TSPAN15: variants seen among roughly 807,000 people sequenced by gnomAD.
The protein encoded by TSPAN15 is tetraspanin-15.
TSPAN15 carries 20 observed loss-of-function variants against 34.5 expected under a neutral mutation model. The ratio of observed to expected loss-of-function variants is 0.58; its 90% CI spans 0.41 to 0.84. The LOEUF (loss-of-function observed/expected upper bound fraction) is 0.84, where lower values mean the gene tolerates loss of function less well. TSPAN15 is among the 40% of genes least tolerant of loss of function. TSPAN15 has a pLI of 0.00. For missense variants in TSPAN15, 313 were observed against 386.1 expected (o/e 0.81, Z 1.59); for synonymous variants, 155 against 153.9 (o/e 1.01, Z -0.05).
rs1010307260 is a variant in TSPAN15 at position 69,494,945 on chromosome 10, G to C, written c.358-649G>C. 4 of 867,282 alleles carry C rather than the reference G, an allele frequency of 4.6e-6. No homozygotes were observed. In the South Asian group the frequency reaches 2.1e-4, roughly 46 times the overall value. 53.7% of individuals were successfully genotyped at this position (867,282 alleles called of 1,614,324 possible). On this transcript the variant is annotated intron_variant, in intron 3 of 7. Coordinates refer to ENST00000373290, the MANE Select transcript of TSPAN15 (RefSeq NM_012339.5). Reference sequence around the variant, plus strand: ...AAGCGCAGCGTGACTGGGAGAGGGCGGCCTGCCATGTTCCTCCCGGCAGGG... The same window carrying C: ...AAGCGCAGCGTGACTGGGAGAGGGCCGCCTGCCATGTTCCTCCCGGCAGGG...
intron 3 of TSPAN15, among the ~76,000 whole-genome samples, chr10:69,486,854 G>A (rs1841865004): frequency 6.6e-6 from 1 of 152,216 alleles, no homozygotes; most frequent in Admixed American, 6.5e-5. Context: ...CCCCAGGAAA[G>A]GGGCTTTATT....
the TSPAN15 span, among the ~76,000 whole-genome samples, chr10:69,525,619 G>A: frequency 2.7e-5 from 4 of 147,016 alleles, no homozygotes; most frequent in African/African-American, 9.9e-5. Flanking sequence ...TCAGGAGTTC[G>A]AGACCAGCCT....
At chr10:69,549,497 C>A in the TSPAN15 span, among the ~76,000 whole-genome samples, 3 of 152,200 alleles carry the variant, frequency 2.0e-5, no homozygotes, top group African/African-American at 7.2e-5. Flanking sequence ...TTAAATTTTT[C>A]TTTCTGATAA....
chr10:69,487,893 G>A (rs1841888021), intron 3 of TSPAN15, among the ~76,000 whole-genome samples: 1 of 152,208 alleles, frequency 6.6e-6, no homozygotes, highest in Non-Finnish European at 1.5e-5. Context: ...TTCCCCTTGG[G>A]TGGTGTCCCC....
At chr10:69,528,962 C>T in the TSPAN15 span, among the ~76,000 whole-genome samples, 1 of 148,122 alleles carries the variant, frequency 6.8e-6, no homozygotes, top group African/African-American at 2.5e-5. Flanking sequence ...ACCGGCAACC[C>T]AGCCCCCAGC....
downstream of TSPAN15, among the ~76,000 whole-genome samples, chr10:69,511,497 A>C (rs1842414484): frequency 6.6e-6 from 1 of 151,808 alleles, no homozygotes; most frequent in Non-Finnish European, 1.5e-5. Context: ...CTAGCGGTCT[A>C]TTTTGTTAAT....
At position 69,457,020 on chromosome 10, in the gene TSPAN15, C is replaced by T. The variant is rs1227206274; in HGVS notation, c.96+5330C>T. Among the ~76,000 whole-genome samples the T allele has an allele frequency of 5.3e-5, 8 of 152,308 alleles. No individual in the cohort carries two copies. The East Asian group carries it at 5.8e-4, about 11-fold the overall frequency. On this transcript the variant is annotated intron_variant, in intron 1 of 7. Transcript: ENST00000373290. Reference sequence around the variant, plus strand: ...GATGTCTGCGGGAGAAATGAGCTCACGCTGAGGCACTTAGAGCCTCCTTTT... The same window carrying T: ...GATGTCTGCGGGAGAAATGAGCTCATGCTGAGGCACTTAGAGCCTCCTTTT...
At chr10:69,504,622 A>C (rs1203746486) in intron 6 of TSPAN15, 137 bp downstream of exon 6, 6 of 901,286 alleles carry the variant, frequency 6.7e-6, no homozygotes, top group Non-Finnish European at 1.1e-5. Flanking sequence ...CAGAGCCAGG[A>C]CTGCTGTGGT....
the TSPAN15 span, among the ~76,000 whole-genome samples, chr10:69,543,564 T>A: frequency 6.6e-5 from 10 of 151,876 alleles, no homozygotes; most frequent in Non-Finnish European, 8.8e-5. Context: ...CTGGGCACAC[T>A]TGTAGGTGGG....
intron 1 of TSPAN15, among the ~76,000 whole-genome samples, chr10:69,468,415 C>T (rs10998806): frequency 0.4 from 60,449 of 151,618 alleles, 12,518 homozygotes; most frequent in Non-Finnish European, 0.45. Flanking sequence ...GGGGTAGGGC[C>T]GAGAGAGCTC....
chr10:69,508,468 A>AAAAAAAAAAAG (rs1554835861), downstream of TSPAN15, among the ~76,000 whole-genome samples: 53 of 139,292 alleles, frequency 3.8e-4, 1 homozygote, highest in Non-Finnish European at 6.3e-4. Context: ...AAAAAAAAAA[A>AAAAAAAAAAAG]AAGAAGAAGA....
intron 1 of TSPAN15, among the ~76,000 whole-genome samples, chr10:69,452,530 T>G (rs1243655076): frequency 6.6e-6 from 1 of 152,180 alleles, no homozygotes; most frequent in African/African-American, 2.4e-5. Context: ...TATATTCAAC[T>G]TGTAGGATGC....
intron 1 of TSPAN15, among the ~76,000 whole-genome samples, chr10:69,457,125 C>T (rs1402119643): frequency 2.6e-5 from 4 of 152,232 alleles, no homozygotes; most frequent in Non-Finnish European, 4.4e-5. Context: ...GCACTGCCCA[C>T]GGGGTATCTT....
chr10:69,489,174 C>T (rs561986990), intron 3 of TSPAN15, among the ~76,000 whole-genome samples: 172 of 152,282 alleles, frequency 1.1e-3, no homozygotes, highest in Non-Finnish European at 2.2e-3. Context: ...AAGAATTTAG[C>T]GATATCTTCC....
chr10:69,516,030 T>C, the TSPAN15 span, among the ~76,000 whole-genome samples: 2 of 152,208 alleles, frequency 1.3e-5, no homozygotes, highest in East Asian at 3.8e-4. Context: ...AGAGTGATCA[T>C]TTTGTGAAGT....
At position 69,498,307 on chromosome 10, in the gene TSPAN15, C is replaced by T. The variant is rs776560719; in HGVS notation, c.481C>T (p.Arg161Ter). Residue 161 changes from arginine (R) to a stop codon, truncating the protein, a stop_gained, in exon 5 of 8, where the codon CGA (arginine) becomes TGA (stop). Coordinates refer to ENST00000373290, the MANE Select transcript of TSPAN15 (RefSeq NM_012339.5). LOFTEE classifies it high-confidence loss of function. Reference sequence around the variant, plus strand: ...CAAGTGCTGTGGCGGGGAGGACTACCGAGATTGGAGCAAGAATCAGTACCA... The same window carrying T: ...CAAGTGCTGTGGCGGGGAGGACTACTGAGATTGGAGCAAGAATCAGTACCA... ...KFKCCGGEDY[R>*]DWSKNQYHDC... 2.4e-5 allele frequency: 39 copies of T among 1,613,832 alleles called. No individual in the cohort carries two copies. Among genetic ancestry groups the T allele is most frequent in the Non-Finnish European group, 2.5e-5 (30 of 1,179,988 alleles).
intron 3 of TSPAN15, among the ~76,000 whole-genome samples, chr10:69,486,433 T>TA (rs1380676400): frequency 4.0e-5 from 6 of 150,494 alleles, no homozygotes; most frequent in African/African-American, 1.5e-4. Context: ...TCTTTTTTTT[T>TA]AAAAATAATG....
At chr10:69,475,101 T>C (rs1282058040) in intron 1 of TSPAN15, among the ~76,000 whole-genome samples, 1 of 151,820 alleles carries the variant, frequency 6.6e-6, no homozygotes, top group East Asian at 1.9e-4. Context: ...GACAGAGAGG[T>C]CTGGAGAGTG....
At chr10:69,491,254 G>A (rs1033387299) in intron 3 of TSPAN15, among the ~76,000 whole-genome samples, 2 of 152,226 alleles carry the variant, frequency 1.3e-5, no homozygotes, top group Admixed American at 6.5e-5. Context: ...CTAGGGTCCG[G>A]GGGCAATGAG....
Sources: gnomAD v4.1 joint callset for allele counts (sites outside exome capture counted in the v4.1 genomes callset) on GRCh38, gnomAD v4.1.1 for gene constraint, MANE v1.5 for transcripts, NCBI Gene and HGNC (gene_info 2026-07-23, HGNC 2026-07-21) for gene names.